SIPA1L1: variants seen among roughly 807,000 people sequenced by gnomAD.
SIPA1L1 encodes the protein signal induced proliferation associated 1 like 1.
SIPA1L1 carries 26 observed loss-of-function variants against 162.7 expected under a neutral mutation model. That is an observed-to-expected ratio of 0.16 (90% confidence interval 0.12 to 0.22). The LOEUF is 0.22. SIPA1L1 is among the 10% of genes least tolerant of loss of function. SIPA1L1 has a pLI of 1.00. For missense variants in SIPA1L1, 1,874 were observed against 2,241.0 expected, an observed-to-expected ratio of 0.84 and a Z score of 3.31; for synonymous variants, 829 against 837.4, an observed-to-expected ratio of 0.99 and a Z score of 0.17.
chr14:71,662,173 C>T (rs2043586654), intron 10 of SIPA1L1, among the ~76,000 whole-genome samples: 3 of 152,160 alleles, frequency 2.0e-5, no homozygotes, highest in South Asian at 2.1e-4. Flanking sequence ...GGACATTTGG[C>T]GTATCTTTCC....
chr14:71,370,799 G>A (rs1478474061), intron 2 of SIPA1L1, among the ~76,000 whole-genome samples: 1 of 152,078 alleles, frequency 6.6e-6, no homozygotes, highest in African/African-American at 2.4e-5. Context: ...CCAGGATTTT[G>A]CCAAATCATA....
At chr14:71,385,608 C>T (rs935003425) in intron 2 of SIPA1L1, among the ~76,000 whole-genome samples, 2 of 150,578 alleles carry the variant, frequency 1.3e-5, no homozygotes, top group African/African-American at 2.4e-5. Context: ...TTTATTTCAT[C>T]TGATTTATGT....
chr14:71,633,246 C>T (rs180736366), intron 7 of SIPA1L1, among the ~76,000 whole-genome samples: 14 of 152,226 alleles, frequency 9.2e-5, no homozygotes, highest in South Asian at 2.1e-4. Flanking sequence ...CTGCAACCTC[C>T]ACCCTCCGGG....
chr14:71,601,128 A>G (rs1052661642), intron 5 of SIPA1L1, among the ~76,000 whole-genome samples: 14 of 151,990 alleles, frequency 9.2e-5, no homozygotes, highest in South Asian at 4.2e-4. Flanking sequence ...TGAACTTCCA[A>G]TACTGTATTG....
chr14:71,684,366 C>G (rs1257197975), intron 12 of SIPA1L1, among the ~76,000 whole-genome samples: 1 of 152,352 alleles, frequency 6.6e-6, no homozygotes, highest in East Asian at 1.9e-4. Context: ...ACTATGTAAA[C>G]CCTTCCACTT....
chr14:71,703,972 A>C (rs534496989), intron 15 of SIPA1L1, among the ~76,000 whole-genome samples: 1 of 152,112 alleles, frequency 6.6e-6, no homozygotes, highest in Admixed American at 6.5e-5. Flanking sequence ...TTTAAAACCT[A>C]TTTGCTCATC....
intron 2 of SIPA1L1, among the ~76,000 whole-genome samples, chr14:71,354,883 G>A (rs2037091100): frequency 6.6e-6 from 1 of 152,158 alleles, no homozygotes; most frequent in Non-Finnish European, 1.5e-5. Context: ...AGCCATTCAG[G>A]GAGCAGGAGG....
Position 71,730,087 on chromosome 14 carries a change from C to T in SIPA1L1, c.4647C>T (p.Phe1549=). The T allele has an allele frequency of 1.9e-6, 3 of 1,614,148 alleles. No homozygotes were observed. The highest frequency in any genetic ancestry group is 1.3e-5 in the African/African-American group (1 of 75,046). ...CACTCTCCTCTCCTCAGTCTCCTTT[C>T]CCCAGCACCCCCACCTCACGGCGGG... is the stretch of plus-strand genomic sequence containing the variant. ...FHALSSPQSP[F]PSTPTSRRAL... The change falls in exon 20 of 24, where the codon TTC becomes TTT. Residue 1549 remains phenylalanine, a synonymous_variant. Coordinates refer to ENST00000381232, the MANE Select transcript of SIPA1L1 (RefSeq NM_001386936.1).
intron 17 of SIPA1L1, among the ~76,000 whole-genome samples, chr14:71,718,330 G>A (rs1021096633): frequency 1.3e-5 from 2 of 152,156 alleles, no homozygotes; most frequent in African/African-American, 4.8e-5. Context: ...CATAACCTTT[G>A]TGCCTAAATC....
rs201169378 is a variant in SIPA1L1, at chr14:71,685,422, A to G, written c.3165A>G (p.Ser1055=). 29 of 1,614,258 alleles carry G rather than the reference A, an allele frequency of 1.8e-5. No individual in the cohort carries two copies. The East Asian group carries it at 3.1e-4, about 17-fold the overall frequency. ...VMEYKMNEGV[S]YEFKFPFRNN... is the part of the protein sequence containing the mutation. ...AGTACAAAATGAATGAAGGTGTTTCATACGAATTCAAGTTTCCCTTCCGAA... is the reference window on the plus strand; with the variant it reads ...AGTACAAAATGAATGAAGGTGTTTCGTACGAATTCAAGTTTCCCTTCCGAA... Residue 1055 remains serine, a synonymous_variant, in exon 13 of 24, where the codon TCA becomes TCG. Coordinates refer to ENST00000381232, the MANE Select transcript of SIPA1L1 (RefSeq NM_001386936.1).
Position 71,589,231 on chromosome 14 carries a change from C to G in SIPA1L1, c.1359C>G (p.Ser453=), listed in dbSNP as rs758585548. ...ESASFESTLS[S]HCTNAGVAVL... is the part of the protein sequence containing the mutation. The stretch of plus-strand genomic sequence containing the variant: ...CCTCCTTTGAGTCTACCCTTAGTTC[C>G]CATTGCACAAATGCAGGAGTGGCAG... Residue 453 remains serine, a synonymous_variant, in exon 5 of 24, where the codon TCC becomes TCG. Coordinates refer to ENST00000381232, the MANE Select transcript of SIPA1L1 (RefSeq NM_001386936.1). 9 of 1,614,030 alleles carry G rather than the reference C, an allele frequency of 5.6e-6. No homozygotes were observed. In the South Asian group the frequency reaches 8.8e-5, roughly 16 times the overall value.
At chr14:71,603,412 A>G (rs375284919) in intron 5 of SIPA1L1, among the ~76,000 whole-genome samples, 2 of 151,938 alleles carry the variant, frequency 1.3e-5, no homozygotes, top group Non-Finnish European at 2.9e-5. Flanking sequence ...TATTTTATAT[A>G]TCGGTTTCTT....
chr14:71,695,248 A>C (rs1468078411), intron 13 of SIPA1L1, among the ~76,000 whole-genome samples: 2 of 152,242 alleles, frequency 1.3e-5, no homozygotes, highest in African/African-American at 4.8e-5. Context: ...TCATAAAAAC[A>C]TTTGGGTGGC....
chr14:71,665,784 A>G (rs2043945902), intron 10 of SIPA1L1, among the ~76,000 whole-genome samples: 1 of 152,202 alleles, frequency 6.6e-6, no homozygotes, highest in South Asian at 2.1e-4. Flanking sequence ...ACCCCTATAT[A>G]TACTATGTTT....
chr14:71,436,760 ATTT>A (rs1231560483), intron 2 of SIPA1L1, among the ~76,000 whole-genome samples: 1 of 130,968 alleles, frequency 7.6e-6, no homozygotes, highest in Non-Finnish European at 1.6e-5. Context: ...TACCTTCTGA[ATTT>A]TTTTTTTTTT....
intron 2 of SIPA1L1, among the ~76,000 whole-genome samples, chr14:71,466,582 A>G (rs1251280981): frequency 5.5e-4 from 62 of 112,422 alleles, no homozygotes; most frequent in African/African-American, 1.1e-3. Context: ...GCCATACTGA[A>G]AAAAAAAAAA....
At chr14:71,324,452 A>G (rs369464888) in intron 2 of SIPA1L1, among the ~76,000 whole-genome samples, 1 of 152,182 alleles carries the variant, frequency 6.6e-6, no homozygotes, top group Non-Finnish European at 1.5e-5. Context: ...CCCCCACTTA[A>G]GAGTTCAGTA....
chr14:71,594,768 C>G (rs1156957716), intron 5 of SIPA1L1, among the ~76,000 whole-genome samples: 2 of 152,172 alleles, frequency 1.3e-5, no homozygotes, highest in East Asian at 1.9e-4. Context: ...TTTAAACACT[C>G]TATTTATATA....
chr14:71,385,889 T>C (rs1178985607), intron 2 of SIPA1L1, among the ~76,000 whole-genome samples: 1 of 152,174 alleles, frequency 6.6e-6, no homozygotes, highest in Non-Finnish European at 1.5e-5. Context: ...GGTTTCACCA[T>C]GTTGTCCAGG....
Sources: gnomAD v4.1 joint callset for allele counts (sites outside exome capture counted in the v4.1 genomes callset) on GRCh38, gnomAD v4.1.1 for gene constraint, MANE v1.5 for transcripts, NCBI Gene and HGNC (gene_info 2026-07-23, HGNC 2026-07-21) for gene names.